The following KCNQ5 variants were observed in gnomAD, a reference collection of about 807,000 sequenced individuals.
The protein encoded by KCNQ5 is potassium voltage-gated channel subfamily KQT member 5.
In KCNQ5, 30 loss-of-function variants were observed where a neutral mutation model predicts 98.2. The ratio of observed to expected loss-of-function variants is 0.31; its 90% confidence interval spans 0.23 to 0.41. The LOEUF (loss-of-function observed/expected upper bound fraction) is 0.41. KCNQ5 is among the 10% of genes least tolerant of loss of function. KCNQ5 has a pLI of 1.00. For missense variants in KCNQ5, 835 were observed against 1,182.5 expected (o/e 0.71, Z 4.31); for synonymous variants, 458 against 449.4 (o/e 1.02, Z -0.24).
chr6:72,787,107 C>A (rs1410623190), intron 1 of KCNQ5, among the ~76,000 whole-genome samples: 1 of 151,710 alleles, frequency 6.6e-6, no homozygotes, highest in African/African-American at 2.4e-5. Context: ...GGTTTGGCTA[C>A]CCTGACCTGT....
intron 2 of KCNQ5, among the ~76,000 whole-genome samples, chr6:73,019,317 G>A (rs907871388): frequency 1.3e-5 from 2 of 152,074 alleles, no homozygotes; most frequent in African/African-American, 4.8e-5. Context: ...TTTATCATAA[G>A]CCCTGTTCTT....
rs188214241 is a variant in KCNQ5 at position 72,834,024 on chromosome 6, A to G, written c.399-169884A>G. On this transcript the variant is annotated intron_variant, in intron 1 of 13. Transcript: ENST00000370398. ...TAAATGGACTATGGATAGCAATTGT[A>G]TCTGGTAAAGAAGGTAGAGGAATAG... is the stretch of plus-strand genomic sequence containing the variant. Among the ~76,000 whole-genome samples the G allele has an allele frequency of 4.6e-5, 7 of 152,282 alleles. 1 individual carries two copies. The highest frequency in any genetic ancestry group is 1.7e-4 in the African/African-American group (7 of 41,584).
intron 1 of KCNQ5, among the ~76,000 whole-genome samples, chr6:72,773,378 C>T (rs1446601483): frequency 1.3e-5 from 2 of 152,006 alleles, no homozygotes; most frequent in Admixed American, 6.6e-5. Flanking sequence ...AACTTGTTCT[C>T]ACTCATATGT....
intron 1 of KCNQ5, among the ~76,000 whole-genome samples, chr6:72,754,714 C>CCAGAATA (rs1441403726): frequency 1.3e-5 from 2 of 150,688 alleles, no homozygotes; most frequent in Non-Finnish European, 3.0e-5. Context: ...ATTTTATGAC[C>CCAGAATA]CAGAATATGA....
intron 2 of KCNQ5, 97 bp downstream of exon 2, chr6:73,004,095 A>C (rs1029078017): frequency 3.0e-6 from 2 of 677,098 alleles, no homozygotes; most frequent in Non-Finnish European, 5.1e-6. Flanking sequence ...AATCCTATCT[A>C]AAAAAGAGTT....
At chr6:73,026,716 G>A (rs1191808472) in intron 2 of KCNQ5, among the ~76,000 whole-genome samples, 1 of 152,166 alleles carries the variant, frequency 6.6e-6, no homozygotes, top group Admixed American at 6.5e-5. Flanking sequence ...TATTTAATGA[G>A]TGGGCTTATT....
At chr6:72,709,080 C>T (rs2154474956) in intron 1 of KCNQ5, among the ~76,000 whole-genome samples, 1 of 152,300 alleles carries the variant, frequency 6.6e-6, no homozygotes, top group South Asian at 2.1e-4. Context: ...CTGTCCTCAA[C>T]TGATCCACCC....
At chr6:72,970,886 C>T (rs1767857349) in intron 1 of KCNQ5, among the ~76,000 whole-genome samples, 1 of 152,080 alleles carries the variant, frequency 6.6e-6, no homozygotes, top group Admixed American at 6.6e-5. Context: ...GACCTAAAAC[C>T]ATAAAAACCC....
intron 7 of KCNQ5, 67 bp from the exon 8 acceptor site, chr6:73,120,416 C>T (rs1415507943): frequency 8.6e-7 from 1 of 1,157,880 alleles, no homozygotes; most frequent in East Asian, 2.5e-5. Context: ...AATCATTTCT[C>T]TTTTTATTTT....
chr6:72,921,292 G>A (rs1780384418), intron 1 of KCNQ5, among the ~76,000 whole-genome samples: 1 of 152,164 alleles, frequency 6.6e-6, no homozygotes, highest in Non-Finnish European at 1.5e-5. Flanking sequence ...ATATAGTTAG[G>A]AGAACCAGAT....
At chr6:73,009,775 A>G (rs1769980939) in intron 2 of KCNQ5, among the ~76,000 whole-genome samples, 1 of 152,346 alleles carries the variant, frequency 6.6e-6, no homozygotes, top group South Asian at 2.1e-4. Flanking sequence ...GGAAATCTAG[A>G]TGAAATGGAC....
chr6:72,997,172 T>G (rs1450476020), intron 1 of KCNQ5, among the ~76,000 whole-genome samples: 2 of 152,066 alleles, frequency 1.3e-5, no homozygotes, highest in Admixed American at 1.3e-4. Context: ...TCAAAAATAA[T>G]CCCTGTCCTC....
At chr6:72,747,968 C>G (rs1306054912) in intron 1 of KCNQ5, among the ~76,000 whole-genome samples, 2 of 152,126 alleles carry the variant, frequency 1.3e-5, no homozygotes, top group Non-Finnish European at 2.9e-5. Flanking sequence ...CATTTCACAT[C>G]ATTTCCTTAG....
rs535184643 is a variant in KCNQ5 at position 72,704,599 on chromosome 6, T to C, written c.398+82012T>C. 5.9e-5 allele frequency among the ~76,000 whole-genome samples: 9 copies of C among 151,586 alleles called. No homozygotes were observed. The South Asian group carries it at 1.9e-3, about 32-fold the overall frequency. ...AGAAATTCTATAATTTGATGGGTTCTTTCCTAAGAAAAAGGGGATATTAAT... is the reference window on the plus strand; with the variant it reads ...AGAAATTCTATAATTTGATGGGTTCCTTCCTAAGAAAAAGGGGATATTAAT... On this transcript the variant is annotated intron_variant, in intron 1 of 13. Coordinates refer to ENST00000370398, the MANE Select transcript of KCNQ5 (RefSeq NM_019842.4).
At chr6:72,736,088 C>T (rs1030186224) in intron 1 of KCNQ5, among the ~76,000 whole-genome samples, 4 of 146,944 alleles carry the variant, frequency 2.7e-5, no homozygotes, top group Non-Finnish European at 4.5e-5. Context: ...TACACATACA[C>T]ACACACACAC....
chr6:73,000,564 CCCCAAAACCAGTTTCTCCTTCTGA>C (rs1562120178), intron 1 of KCNQ5, among the ~76,000 whole-genome samples: 1 of 152,114 alleles, frequency 6.6e-6, no homozygotes, highest in East Asian at 1.9e-4. Context: ...ATCCTCTTCT[CCCCAAAACCAGTTTCTCCTTCTGA>C]CTTTGACTTT....
intron 1 of KCNQ5, among the ~76,000 whole-genome samples, chr6:72,986,057 C>T (rs1347427247): frequency 6.6e-5 from 10 of 151,998 alleles, no homozygotes; most frequent in Non-Finnish European, 1.0e-4. Flanking sequence ...GGTGAAAGCC[C>T]GTCTCTACTA....
At chr6:72,859,999 A>G (rs1337065314) in intron 1 of KCNQ5, among the ~76,000 whole-genome samples, 1 of 151,400 alleles carries the variant, frequency 6.6e-6, no homozygotes, top group Non-Finnish European at 1.5e-5. Context: ...TGTTGTCTCC[A>G]TCCTCAAAAA....
intron 1 of KCNQ5, among the ~76,000 whole-genome samples, chr6:72,635,028 C>G (rs1198385450): frequency 6.6e-6 from 1 of 150,776 alleles, no homozygotes; most frequent in Admixed American, 6.6e-5. Flanking sequence ...ATTTGTTCCC[C>G]TCACCCTTTT....
Sources: allele counts gnomAD v4.1 joint callset (sites outside exome capture counted in the v4.1 genomes callset), GRCh38; gene constraint gnomAD v4.1.1; transcripts MANE v1.5; gene names NCBI Gene and HGNC (gene_info 2026-07-23, HGNC 2026-07-21).